The following WDR27 variants were observed in gnomAD, a reference collection of about 807,000 sequenced individuals.
WDR27 encodes the protein WD repeat-containing protein 27.
Under a neutral mutation model 114.4 loss-of-function variants are expected in WDR27, and 100 were observed. The ratio of observed to expected loss-of-function variants is 0.87; its 90% CI spans 0.74 to 1.03. WDR27 has a LOEUF of 1.03. Among genes scored for constraint, WDR27 ranks in the 50% least tolerant of loss-of-function variants. WDR27 has a pLI of 0.00. For synonymous variants in WDR27, 449 were observed against 423.1 expected, an observed-to-expected ratio of 1.06 and a Z score of -0.75; for missense variants, 1,129 against 1,092.9, an observed-to-expected ratio of 1.03 and a Z score of -0.47.
In WDR27 at chr6:169,661,687, T is replaced by G. The variant is rs77427167; in HGVS notation, c.1025+617A>C. Among the ~76,000 whole-genome samples the G allele has an allele frequency of 4.6e-4, 70 of 152,108 alleles. 1 individual carries two copies. In the East Asian group the frequency reaches 0.013, roughly 28 times the overall value. ...CCGGGAGCACCGTGTCCAGCCTCCA[T>G]GCCCACCCTGCTTACTCTCTGTGGT... On this transcript the variant is annotated intron_variant, in intron 9 of 25. Coordinates refer to ENST00000448612, the MANE Select transcript of WDR27 (RefSeq NM_182552.5).
At position 169,546,935 on chromosome 6, in the gene WDR27, G is replaced by T. The variant is rs182496673; in HGVS notation, c.2645+25484C>A. On this transcript the variant is annotated intron_variant, in intron 25 of 25. Coordinates refer to ENST00000448612, the MANE Select transcript of WDR27 (RefSeq NM_182552.5). ...ATGTTCTCACAAGTGAAAGTGGGGA[G>T]ATAGCCAAGAAAAAAAGGGACAGGA... is the stretch of plus-strand genomic sequence containing the variant. 5.9e-5 allele frequency among the ~76,000 whole-genome samples: 9 copies of T among 152,054 alleles called. No individual in the cohort carries two copies. The East Asian group carries it at 1.7e-3, about 29-fold the overall frequency.
At chr6:169,626,905 G>A (rs1815001181) in intron 21 of WDR27, among the ~76,000 whole-genome samples, 1 of 152,246 alleles carries the variant, frequency 6.6e-6, no homozygotes, top group Non-Finnish European at 1.5e-5. Context: ...CCACTGGGCA[G>A]TGCCTGTGTC....
intron 1 of WDR27, among the ~76,000 whole-genome samples, chr6:169,700,993 G>C (rs375617995): frequency 6.6e-6 from 1 of 152,210 alleles, no homozygotes. Context: ...AGCACTTCAG[G>C]AAAAGGCAGT....
chr6:169,587,214 CTTTTTTTTTTTTT>C, intron 23 of WDR27, among the ~76,000 whole-genome samples: 1 of 115,702 alleles, frequency 8.6e-6, no homozygotes, highest in African/African-American at 3.2e-5. Context: ...CAAGGATTTT[CTTTTTTTTTTTTT>C]TTTTTTTTAA....
intron 24 of WDR27, among the ~76,000 whole-genome samples, chr6:169,576,750 G>A (rs1434334227): frequency 7.2e-6 from 1 of 139,466 alleles, no homozygotes; most frequent in Non-Finnish European, 1.5e-5. Context: ...CTGGGCAAGA[G>A]TGAGACCCTT....
intron 22 of WDR27, among the ~76,000 whole-genome samples, chr6:169,605,108 C>CAAAAAAAAAAAAAAA (rs59884264): frequency 1.3e-5 from 1 of 76,208 alleles, no homozygotes; most frequent in Non-Finnish European, 2.2e-5. Context: ...AGCAATTAGG[C>CAAAAAAAAAAAAAAA]AAAAAAAAAA....
intron 25 of WDR27, among the ~76,000 whole-genome samples, chr6:169,567,114 T>C (rs931986822): frequency 2.6e-5 from 4 of 152,076 alleles, no homozygotes; most frequent in Non-Finnish European, 4.4e-5. Flanking sequence ...TGGGGGACCT[T>C]TGGAAATGAG....
intron 13 of WDR27, among the ~76,000 whole-genome samples, chr6:169,652,930 G>A (rs888731095): frequency 1.3e-5 from 2 of 152,146 alleles, no homozygotes; most frequent in African/African-American, 4.8e-5. Context: ...CTTTTAAGGA[G>A]TGATCTAAAT....
Position 169,508,614 on chromosome 6 carries a change from T to G in WDR27, c.2646-50980A>C, listed in dbSNP as rs141438761. Among the ~76,000 whole-genome samples the G allele has an allele frequency of 1.6e-3, 242 of 152,280 alleles. 1 individual carries two copies. Among genetic ancestry groups the G allele is most frequent in the African/African-American group, 5.6e-3 (234 of 41,560 alleles). On this transcript the variant is annotated intron_variant, in intron 25 of 25. Coordinates refer to ENST00000448612, the MANE Select transcript of WDR27 (RefSeq NM_182552.5). ...GCACACAAGAATATTCTGAAAGGAT[T>G]TGGGAAGACAAAGATTCAGTACAAT...
At chr6:169,544,655 A>C (rs1797235017) in intron 25 of WDR27, among the ~76,000 whole-genome samples, 2 of 152,146 alleles carry the variant, frequency 1.3e-5, no homozygotes, top group African/African-American at 4.8e-5. Context: ...AGCTGGTCTC[A>C]AACACCTGGC....
intron 25 of WDR27, among the ~76,000 whole-genome samples, chr6:169,526,869 A>G (rs556383389): frequency 6.6e-6 from 1 of 152,358 alleles, no homozygotes; most frequent in Admixed American, 6.5e-5. Flanking sequence ...ATTTCTCCAA[A>G]GAAGATATGC....
At chr6:169,434,288 T>G in the WDR27 span, among the ~76,000 whole-genome samples, 1 of 152,198 alleles carries the variant, frequency 6.6e-6, no homozygotes, top group East Asian at 1.9e-4. Context: ...AGGGGTTCAG[T>G]TTCTGTTTTC....
chr6:169,448,476 G>C, the WDR27 span, among the ~76,000 whole-genome samples: 1 of 151,818 alleles, frequency 6.6e-6, no homozygotes, highest in Non-Finnish European at 1.5e-5. Flanking sequence ...TGCATAAAGA[G>C]AAGGAGTATG....
In WDR27 at chr6:169,613,549, A is replaced by G. The variant is rs751975198; in HGVS notation, c.2321+10T>C. ...CCACCCCTGCAGTGCAGGGCGCAGG[A>G]CAGCCTTACCTCAGGGTTCTCAGGT... On this transcript the variant is annotated intron_variant, in intron 22 of 25. Transcript: ENST00000448612. The G allele has an allele frequency of 2.5e-6, 4 of 1,612,426 alleles. No individual in the cohort carries two copies. The East Asian group carries it at 8.9e-5, about 36-fold the overall frequency.
intron 17 of WDR27, 125 bp from the exon 18 acceptor site, chr6:169,638,785 G>A (rs370637049): frequency 5.1e-5 from 61 of 1,207,606 alleles, no homozygotes; most frequent in African/African-American, 4.5e-5. Flanking sequence ...TTAGGGGCGC[G>A]CCAGGAGGCT....
At chr6:169,505,217 TAGTA>T (rs1279127513) in intron 25 of WDR27, among the ~76,000 whole-genome samples, 1 of 152,190 alleles carries the variant, frequency 6.6e-6, no homozygotes, top group African/African-American at 2.4e-5. Context: ...CTTAAGAACT[TAGTA>T]AGCTCCAATC....
chr6:169,532,378 T>G (rs955946590), intron 25 of WDR27, among the ~76,000 whole-genome samples: 2 of 152,178 alleles, frequency 1.3e-5, no homozygotes, highest in African/African-American at 4.8e-5. Context: ...GTTTACTTCA[T>G]TTATTTCTAA....
At chr6:169,621,193 C>A (rs1318256522) in intron 21 of WDR27, among the ~76,000 whole-genome samples, 1 of 152,164 alleles carries the variant, frequency 6.6e-6, no homozygotes, top group South Asian at 2.1e-4. Context: ...TACATACATA[C>A]ACCCATGCAC....
intron 23 of WDR27, 84 bp from the exon 24 acceptor site, chr6:169,583,018 A>G (rs1803773737): frequency 8.4e-7 from 1 of 1,193,676 alleles, no homozygotes; most frequent in South Asian, 1.3e-5. Flanking sequence ...GGGACCATCT[A>G]TAGATTAGTG....
Sources: allele counts gnomAD v4.1 joint callset (sites outside exome capture counted in the v4.1 genomes callset), GRCh38; gene constraint gnomAD v4.1.1; transcripts MANE v1.5; gene names NCBI Gene and HGNC (gene_info 2026-07-23, HGNC 2026-07-21).